The following KAT6B variants were observed in gnomAD, a reference collection of about 807,000 sequenced individuals.
KAT6B encodes histone acetyltransferase KAT6B.
KAT6B carries 10 observed loss-of-function variants against 187.5 expected under a neutral mutation model. That is an observed-to-expected ratio of 0.05 (90% CI 0.03 to 0.09). KAT6B has a LOEUF of 0.09. Ranked by LOEUF, KAT6B falls within the 10% of genes least tolerant of loss-of-function variation. The pLI, the probability that KAT6B is intolerant of heterozygous loss-of-function variation, is 1.00. For synonymous variants in KAT6B, 861 were observed against 926.8 expected (o/e 0.93, Z 1.29); for missense variants, 1,952 against 2,558.9 (o/e 0.76, Z 5.12).
intron 3 of KAT6B, among the ~76,000 whole-genome samples, chr10:74,948,293 C>T (rs1008746601): frequency 2.0e-5 from 3 of 152,164 alleles, no homozygotes; most frequent in Non-Finnish European, 4.4e-5. Flanking sequence ...TTATATTCTG[C>T]GTGGCATACT....
intron 3 of KAT6B, among the ~76,000 whole-genome samples, chr10:74,954,856 G>C (rs75621719): frequency 0.057 from 8,732 of 152,088 alleles, 521 homozygotes; most frequent in East Asian, 0.17. Context: ...CATTTTTTCC[G>C]TAGTGTTTTG....
chr10:74,890,660 G>A (rs943318065), intron 3 of KAT6B, among the ~76,000 whole-genome samples: 2 of 152,180 alleles, frequency 1.3e-5, no homozygotes, highest in Admixed American at 6.5e-5. Flanking sequence ...ATAGAAAAAG[G>A]TAGGCTAGGG....
At chr10:75,024,934 T>G (rs1845704695) in intron 16 of KAT6B, 24 bp from the exon 17 acceptor site, 1 of 1,609,580 alleles carries the variant, frequency 6.2e-7, no homozygotes, top group Admixed American at 1.7e-5. Flanking sequence ...AGCTCTTATG[T>G]GTTATGTTTG....
intron 3 of KAT6B, among the ~76,000 whole-genome samples, chr10:74,871,609 A>T (rs1182378819): frequency 1.3e-5 from 2 of 152,218 alleles, no homozygotes; most frequent in African/African-American, 4.8e-5. Flanking sequence ...AGACAGGAGG[A>T]TTGCTTGAGC....
At chr10:74,894,358 A>G (rs1479026998) in intron 3 of KAT6B, among the ~76,000 whole-genome samples, 2 of 152,188 alleles carry the variant, frequency 1.3e-5, no homozygotes, top group Non-Finnish European at 2.9e-5. Context: ...CTAGGATTAT[A>G]GGCATGAGCC....
chr10:75,007,470 A>G (rs1844296637), intron 13 of KAT6B, among the ~76,000 whole-genome samples: 1 of 151,892 alleles, frequency 6.6e-6, no homozygotes, highest in Non-Finnish European at 1.5e-5. Flanking sequence ...TTTTTTTTTT[A>G]ATAGGCAAGA....
intron 8 of KAT6B, chr10:74,976,660 C>T (rs1554835976): frequency 5.0e-6 from 2 of 398,604 alleles, no homozygotes; most frequent in East Asian, 5.9e-5. Flanking sequence ...CTGCCATGCT[C>T]TCCCCCATGT....
chr10:74,993,968 A>G (rs1445128806), intron 13 of KAT6B, among the ~76,000 whole-genome samples: 1 of 152,004 alleles, frequency 6.6e-6, no homozygotes, highest in African/African-American at 2.4e-5. Flanking sequence ...TGAAATTACC[A>G]TTTTTCGCTT....
chr10:74,925,407 C>A (rs1848425530), intron 3 of KAT6B, among the ~76,000 whole-genome samples: 1 of 146,230 alleles, frequency 6.8e-6, no homozygotes. Flanking sequence ...CCCACCCCCA[C>A]CCCCCTTTTT....
chr10:74,874,852 G>C (rs1472618851), intron 3 of KAT6B, among the ~76,000 whole-genome samples: 1 of 151,534 alleles, frequency 6.6e-6, no homozygotes, highest in African/African-American at 2.4e-5. Context: ...GTGTTTGTGT[G>C]TTTAAAAGTA....
chr10:74,834,636 C>T (rs888847870), intron 1 of KAT6B, among the ~76,000 whole-genome samples: 1 of 152,208 alleles, frequency 6.6e-6, no homozygotes, highest in African/African-American at 2.4e-5. Context: ...ATCCTCTTGC[C>T]TCGGTCTCCC....
intron 13 of KAT6B, among the ~76,000 whole-genome samples, chr10:75,004,673 A>G (rs1048788191): frequency 2.6e-4 from 40 of 152,178 alleles, no homozygotes; most frequent in Admixed American, 1.7e-3. Context: ...CCATTTACCC[A>G]GTTAAGATAT....
intron 3 of KAT6B, among the ~76,000 whole-genome samples, chr10:74,857,991 C>T (rs1842923283): frequency 6.6e-6 from 1 of 151,806 alleles, no homozygotes; most frequent in Non-Finnish European, 1.5e-5. Context: ...CCACTGCACT[C>T]TAGCCTGGGC....
chr10:74,947,078 C>T (rs1172802792), intron 3 of KAT6B, among the ~76,000 whole-genome samples: 1 of 152,182 alleles, frequency 6.6e-6, no homozygotes, highest in Non-Finnish European at 1.5e-5. Context: ...TGGCTCACTA[C>T]AACCTCCACC....
chr10:74,878,142 G>T (rs2132485346), intron 3 of KAT6B, among the ~76,000 whole-genome samples: 1 of 152,252 alleles, frequency 6.6e-6, no homozygotes, highest in East Asian at 1.9e-4. Flanking sequence ...CATGTATTGG[G>T]CATCTCAGAT....
chr10:74,915,178 T>C (rs1446324848), intron 3 of KAT6B, among the ~76,000 whole-genome samples: 1 of 152,220 alleles, frequency 6.6e-6, no homozygotes. Context: ...ATAATCATAA[T>C]GATACATTAT....
At chr10:74,939,027 G>A (rs1298965468) in intron 3 of KAT6B, among the ~76,000 whole-genome samples, 4 of 150,856 alleles carry the variant, frequency 2.7e-5, no homozygotes, top group South Asian at 2.1e-4. Context: ...GTGAGCTGCC[G>A]TGCCCAGCCC....
chr10:74,989,095 G>A lies in KAT6B; in HGVS notation c.2612G>A (p.Arg871Gln), dbSNP rs779336844. ...CAGCACCAAAGGCAAGGATTTGGAC[G>A]GTTTCTCATTGATTTCAGTAAGTGA... The part of the protein sequence containing the change: ...MPQHQRQGFG[R>Q]FLIDFSYLLS... The change falls in exon 13 of 18, where the codon CGG becomes CAG. Residue 871 changes from arginine to glutamine, a missense_variant. Transcript: ENST00000287239. The A allele has an allele frequency of 3.3e-5, 54 of 1,612,296 alleles. No individual in the cohort carries two copies. The Admixed American group carries it at 7.0e-4, about 21-fold the overall frequency.
chr10:74,851,783 T>G (rs1433819929), intron 3 of KAT6B, among the ~76,000 whole-genome samples: 1 of 152,248 alleles, frequency 6.6e-6, no homozygotes, highest in Non-Finnish European at 1.5e-5. Flanking sequence ...TTTTTGGCAC[T>G]GTTATTAATA....
Sources: allele counts gnomAD v4.1 joint callset (sites outside exome capture counted in the v4.1 genomes callset), GRCh38; gene constraint gnomAD v4.1.1; transcripts MANE v1.5; gene names NCBI Gene and HGNC (gene_info 2026-07-23, HGNC 2026-07-21).